PLAAT3: variants seen among roughly 807,000 people sequenced by gnomAD.
PLAAT3 encodes phospholipase A and acyltransferase 3.
In PLAAT3, 21 loss-of-function variants were observed where a neutral mutation model predicts 16.7. The observed-to-expected ratio is 1.26, with a 90% CI of 0.89 to 1.81. PLAAT3 has a LOEUF of 1.81. Ranked by LOEUF, PLAAT3 falls within the 40% of genes most tolerant of loss-of-function variation. PLAAT3 has a pLI of 0.00. For missense variants in PLAAT3, 219 were observed against 213.7 expected (o/e 1.02, Z -0.16); for synonymous variants, 76 against 81.7 (o/e 0.93, Z 0.38).
intron 3 of PLAAT3, among the ~76,000 whole-genome samples, chr11:63,593,475 G>A (rs1421300537): frequency 6.6e-6 from 1 of 152,264 alleles, no homozygotes; most frequent in Non-Finnish European, 1.5e-5. Flanking sequence ...CAGGAGGGGA[G>A]AAGAGAAAGA....
intron 4 of PLAAT3, among the ~76,000 whole-genome samples, chr11:63,578,193 G>C: frequency 6.6e-6 from 1 of 151,798 alleles, no homozygotes; most frequent in South Asian, 2.1e-4. Flanking sequence ...TGAGGCTGAA[G>C]AATTCCTTGA....
In PLAAT3 at chr11:63,590,288, C is replaced by T; in HGVS notation, c.199G>A (p.Asp67Asn). ...KAIVKKELLYDVAGSDKYQVN... is the reference protein window; with the variant it reads ...KAIVKKELLYNVAGSDKYQVN... ...TGGTACTTGTCACTCCCGGCCACAT[C>T]ATACAGCAATTCCTTCTTCACGATG... The change falls in exon 4 of 5, where the codon GAT becomes AAT. Residue 67 changes from aspartate (D) to asparagine (N), a missense_variant. Asp to Asn is a conservative substitution (Grantham distance 23). Coordinates refer to ENST00000415826, the MANE Select transcript of PLAAT3 (RefSeq NM_001128203.2). The T allele has an allele frequency of 6.2e-7, 1 of 1,614,224 alleles. No individual in the cohort carries two copies. The highest frequency in any genetic ancestry group is 2.2e-5 in the East Asian group (1 of 44,890).
rs112611712 is a variant in PLAAT3 at position 63,589,231 on chromosome 11, A to G, written c.387+869T>C. On this transcript the variant is annotated intron_variant, in intron 4 of 4. Coordinates refer to ENST00000415826, the MANE Select transcript of PLAAT3 (RefSeq NM_001128203.2). The stretch of plus-strand genomic sequence containing the variant: ...GTCCAGCCCACGTTGGCCTGACTCC[A>G]GGAGCCCAGGCTCTTAACCACCACA... 8.7e-3 allele frequency among the ~76,000 whole-genome samples: 1,320 copies of G among 152,186 alleles called. 23 individuals carry two copies. Among genetic ancestry groups the G allele is most frequent in the African/African-American group, 0.029 (1,219 of 41,526 alleles).
chr11:63,575,691 C>T (rs534122722), intron 4 of PLAAT3, among the ~76,000 whole-genome samples: 1 of 152,258 alleles, frequency 6.6e-6, no homozygotes, highest in African/African-American at 2.4e-5. Context: ...AATTTTACTG[C>T]CTCCTGAAAC....
At chr11:63,583,155 C>T (rs542326243) in intron 4 of PLAAT3, among the ~76,000 whole-genome samples, 1 of 152,100 alleles carries the variant, frequency 6.6e-6, no homozygotes, top group Admixed American at 6.6e-5. Flanking sequence ...TTTTAACAGA[C>T]AGAATTCATG....
intron 2 of PLAAT3, among the ~76,000 whole-genome samples, chr11:63,607,449 C>T (rs1480057082): frequency 6.6e-6 from 1 of 151,658 alleles, no homozygotes; most frequent in Non-Finnish European, 1.5e-5. Flanking sequence ...ATCACTTGAG[C>T]CAAGAGTTCA....
intron 2 of PLAAT3, among the ~76,000 whole-genome samples, chr11:63,601,819 TA>T (rs552731197): frequency 6.6e-6 from 1 of 150,738 alleles, no homozygotes; most frequent in Non-Finnish European, 1.5e-5. Context: ...CTACCAAAAA[TA>T]AAAAAAATTA....
chr11:63,604,209 A>T (rs1246259112), intron 2 of PLAAT3, among the ~76,000 whole-genome samples: 1 of 152,226 alleles, frequency 6.6e-6, no homozygotes, highest in South Asian at 2.1e-4. Flanking sequence ...TGAGCTAAGG[A>T]AAATAACCAA....
At chr11:63,608,216 C>T (rs765350733) in intron 2 of PLAAT3, among the ~76,000 whole-genome samples, 1 of 152,056 alleles carries the variant, frequency 6.6e-6, no homozygotes, top group Non-Finnish European at 1.5e-5. Flanking sequence ...ACAAAGTTCC[C>T]AGGTGATTCT....
Position 63,598,918 on chromosome 11 carries a change from G to A in PLAAT3, c.16-755C>T, listed in dbSNP as rs116356728. Among the ~76,000 whole-genome samples, 1,484 of 152,298 alleles carry A rather than the reference G, an allele frequency of 9.7e-3. 29 individuals are homozygous for A. The highest frequency in any genetic ancestry group is 0.032 in the African/African-American group (1,340 of 41,546). Reference sequence around the variant, plus strand: ...AGACTACGTGTGAGAGTGAGTGTGCGTATGTGAGAAGGGGAAGGTAGGGAG... The same window carrying A: ...AGACTACGTGTGAGAGTGAGTGTGCATATGTGAGAAGGGGAAGGTAGGGAG... On this transcript the variant is annotated intron_variant, in intron 2 of 4. Coordinates refer to ENST00000415826, the MANE Select transcript of PLAAT3 (RefSeq NM_001128203.2).
At chr11:63,609,602 G>A (rs1242834565) in intron 2 of PLAAT3, among the ~76,000 whole-genome samples, 1 of 152,218 alleles carries the variant, frequency 6.6e-6, no homozygotes, top group Non-Finnish European at 1.5e-5. Flanking sequence ...GTGAGGACAG[G>A]GAGGAGAAGG....
At chr11:63,577,854 T>C (rs1937657834) in intron 4 of PLAAT3, among the ~76,000 whole-genome samples, 1 of 151,404 alleles carries the variant, frequency 6.6e-6, no homozygotes, top group African/African-American at 2.4e-5. Context: ...ATAAAAACGG[T>C]TCATAGAAAA....
intron 2 of PLAAT3, among the ~76,000 whole-genome samples, chr11:63,601,846 G>A (rs780295263): frequency 5.9e-5 from 9 of 152,120 alleles, no homozygotes; most frequent in Admixed American, 2.0e-4. Context: ...ACGTGGTGGC[G>A]TACGCCAGTA....
chr11:63,588,308 G>A (rs1270854575), intron 4 of PLAAT3, among the ~76,000 whole-genome samples: 1 of 152,056 alleles, frequency 6.6e-6, no homozygotes, highest in South Asian at 2.1e-4. Context: ...GACCGCAAGT[G>A]GTCTGCCCGC....
At chr11:63,615,034 A>ATATATATATATATATATATATATG (rs1490480530), upstream of PLAAT3, among the ~76,000 whole-genome samples, 133 of 28,048 alleles carry the variant, frequency 4.7e-3, 13 homozygotes, top group East Asian at 0.012. Context: ...ATATGTGTGT[A>ATATATATATATATATATATATATG]TATATATGTA....
At chr11:63,602,740 CT>C (rs548157513) in intron 2 of PLAAT3, among the ~76,000 whole-genome samples, 1 of 152,186 alleles carries the variant, frequency 6.6e-6, no homozygotes, top group Non-Finnish European at 1.5e-5. Context: ...TGGCTCCTCT[CT>C]ACAACAGCAG....
chr11:63,578,110 C>T (rs2134389971), intron 4 of PLAAT3, among the ~76,000 whole-genome samples: 1 of 152,044 alleles, frequency 6.6e-6, no homozygotes, highest in South Asian at 2.1e-4. Flanking sequence ...GGTGAAACCC[C>T]ATCTCTACTA....
intron 3 of PLAAT3, among the ~76,000 whole-genome samples, chr11:63,595,274 GA>G (rs1178264181): frequency 7.5e-6 from 1 of 133,800 alleles, no homozygotes; most frequent in African/African-American, 2.8e-5. Flanking sequence ...CTGGGCCACA[GA>G]GCAAGACTCC....
chr11:63,587,038 C>T (rs924840306), intron 4 of PLAAT3, among the ~76,000 whole-genome samples: 10 of 152,180 alleles, frequency 6.6e-5, no homozygotes, highest in East Asian at 1.9e-4. Context: ...GAGCCAACAT[C>T]GCACCACTGT....
Sources: gnomAD v4.1 joint callset for allele counts (sites outside exome capture counted in the v4.1 genomes callset) on GRCh38, gnomAD v4.1.1 for gene constraint, MANE v1.5 for transcripts, NCBI Gene and HGNC (gene_info 2026-07-23, HGNC 2026-07-21) for gene names.